PALM2AKAP2: variants seen among roughly 807,000 people sequenced by gnomAD.
PALM2AKAP2 encodes PALM2 and AKAP2 fusion, also known as PALM2-AKAP2 fusion protein.
A neutral mutation model predicts 71.5 loss-of-function variants in PALM2AKAP2; 37 were observed. The ratio of observed to expected loss-of-function variants is 0.52; its 90% CI spans 0.40 to 0.68. The LOEUF (loss-of-function observed/expected upper bound fraction) is 0.68. Among genes scored for constraint, PALM2AKAP2 ranks in the 30% least tolerant of loss-of-function variants. PALM2AKAP2 has a pLI of 0.00. For missense variants in PALM2AKAP2, 1,224 were observed against 1,191.8 expected, an observed-to-expected ratio of 1.03 and a Z score of -0.40; for synonymous variants, 468 against 478.8, an observed-to-expected ratio of 0.98 and a Z score of 0.29.
intron 2 of PALM2AKAP2, among the ~76,000 whole-genome samples, chr9:110,146,878 G>A (rs536038245): frequency 6.6e-6 from 1 of 152,240 alleles, no homozygotes; most frequent in Admixed American, 6.5e-5. Flanking sequence ...TGGCCTTGAA[G>A]GTAAACTTAA....
chr9:109,703,228 C>T (rs1028560831), intron 1 of PALM2AKAP2, among the ~76,000 whole-genome samples: 2 of 152,088 alleles, frequency 1.3e-5, no homozygotes, highest in Non-Finnish European at 2.9e-5. Flanking sequence ...ATATTCAGGT[C>T]AGTATTCCCA....
At chr9:110,106,521 A>G (rs2118907329) in intron 1 of PALM2AKAP2, among the ~76,000 whole-genome samples, 1 of 152,268 alleles carries the variant, frequency 6.6e-6, no homozygotes, top group South Asian at 2.1e-4. Context: ...GAGGGAAGAG[A>G]GGACTCCCTT....
intron 2 of PALM2AKAP2, among the ~76,000 whole-genome samples, chr9:109,875,406 T>A (rs539536467): frequency 2.1e-4 from 32 of 152,256 alleles, no homozygotes; most frequent in Non-Finnish European, 3.8e-4. Flanking sequence ...TGAGTGAGAG[T>A]AGGGACTTGC....
chr9:109,783,494 T>C (rs1192304552), intron 1 of PALM2AKAP2, among the ~76,000 whole-genome samples: 5 of 152,092 alleles, frequency 3.3e-5, no homozygotes, highest in African/African-American at 1.2e-4. Context: ...AGATGGGGTT[T>C]CGCCATGTTG....
intron 1 of PALM2AKAP2, among the ~76,000 whole-genome samples, chr9:109,851,961 C>T (rs533408386): frequency 6.6e-6 from 1 of 151,948 alleles, no homozygotes; most frequent in Non-Finnish European, 1.5e-5. Flanking sequence ...GAACTAGCCA[C>T]GAGAAAGCAA....
intron 1 of PALM2AKAP2, among the ~76,000 whole-genome samples, chr9:109,655,278 G>A (rs542499549): frequency 1.1e-4 from 16 of 141,288 alleles, no homozygotes; most frequent in Non-Finnish European, 2.3e-4. Flanking sequence ...CAGGCTGGGC[G>A]ACAGAGCGAG....
intron 7 of PALM2AKAP2, among the ~76,000 whole-genome samples, chr9:110,035,790 A>G (rs1355772755): frequency 6.9e-6 from 1 of 143,938 alleles, no homozygotes; most frequent in Non-Finnish European, 1.5e-5. Flanking sequence ...CATATATAGG[A>G]TATGTTGTGT....
At chr9:109,814,839 G>A (rs1481405323) in intron 1 of PALM2AKAP2, among the ~76,000 whole-genome samples, 2 of 152,332 alleles carry the variant, frequency 1.3e-5, no homozygotes, top group East Asian at 3.9e-4. Context: ...TGGTGAGAAT[G>A]GTGAGAAAGA....
intron 1 of PALM2AKAP2, among the ~76,000 whole-genome samples, chr9:109,719,891 A>C (rs1828380205): frequency 6.6e-6 from 1 of 152,218 alleles, no homozygotes; most frequent in South Asian, 2.1e-4. Context: ...AACAGTCAGG[A>C]AGCTCTTGAC....
intron 3 of PALM2AKAP2, among the ~76,000 whole-genome samples, chr9:109,898,349 T>C (rs993111010): frequency 6.6e-6 from 1 of 152,248 alleles, no homozygotes. Context: ...TGAATTTTCT[T>C]TCCAGACTGT....
intron 7 of PALM2AKAP2, among the ~76,000 whole-genome samples, chr9:110,026,329 C>T (rs1833182080): frequency 6.6e-6 from 1 of 152,192 alleles, no homozygotes; most frequent in African/African-American, 2.4e-5. Flanking sequence ...ATCCTCGTTC[C>T]TCAGCCTCCC....
chr9:110,159,729 C>T (rs10816928), intron 3 of PALM2AKAP2, among the ~76,000 whole-genome samples: 17,029 of 152,146 alleles, frequency 0.11, 1,606 homozygotes, highest in East Asian at 0.45. Flanking sequence ...AGTTCAGTGT[C>T]CCCCGAGCCC....
At chr9:109,701,137 A>G (rs1224834356) in intron 1 of PALM2AKAP2, among the ~76,000 whole-genome samples, 1 of 152,222 alleles carries the variant, frequency 6.6e-6, no homozygotes, top group East Asian at 1.9e-4. Context: ...TCTACAAGAT[A>G]CCACGGTTAG....
Position 109,967,535 on chromosome 9 carries a change from G to A in PALM2AKAP2, c.496+35507G>A, listed in dbSNP as rs143027537. On this transcript the variant is annotated intron_variant, in intron 6 of 9. Coordinates refer to the PALM2AKAP2 transcript ENST00000302798. Reference sequence around the variant, plus strand: ...AGTGATTCTTGTGCCTCAGACTCCCGAGTAGCTGTGACTACAGGCAGGCGC... The same window carrying A: ...AGTGATTCTTGTGCCTCAGACTCCCAAGTAGCTGTGACTACAGGCAGGCGC... Among the ~76,000 whole-genome samples, 839 of 151,668 alleles carry A rather than the reference G, an allele frequency of 5.5e-3. 11 individuals are homozygous for A. The highest frequency in any genetic ancestry group is 0.019 in the African/African-American group (797 of 41,362).
At chr9:109,720,684 A>G (rs1828392259) in intron 1 of PALM2AKAP2, among the ~76,000 whole-genome samples, 1 of 152,244 alleles carries the variant, frequency 6.6e-6, no homozygotes, top group Non-Finnish European at 1.5e-5. Context: ...AAGTCATTTC[A>G]TATGTGAAAA....
rs143595960 is a variant in PALM2AKAP2, at chr9:109,797,590, C to T, written c.45+17057C>T. Among the ~76,000 whole-genome samples the T allele has an allele frequency of 7.7e-4, 118 of 152,338 alleles. 2 individuals carry two copies. Among genetic ancestry groups the T allele is most frequent in the African/African-American group, 2.7e-3 (112 of 41,582 alleles). ...TGGGACCTTTACCAGCAATCACCCA[C>T]CACATGCACCAGCTTCAAGCAGCTC... On this transcript the variant is annotated intron_variant, in intron 1 of 9. Coordinates refer to the PALM2AKAP2 transcript ENST00000302798.
At chr9:109,783,675 C>G (rs1230929083) in intron 1 of PALM2AKAP2, among the ~76,000 whole-genome samples, 1 of 152,172 alleles carries the variant, frequency 6.6e-6, no homozygotes, top group African/African-American at 2.4e-5. Context: ...TCTCTAACTG[C>G]TTTAGACAGA....
chr9:110,079,474 C>T (rs1346051187), intron 1 of PALM2AKAP2, among the ~76,000 whole-genome samples: 5 of 151,822 alleles, frequency 3.3e-5, no homozygotes, highest in African/African-American at 7.3e-5. Flanking sequence ...CCAGCCTGGG[C>T]GACAGAGTGA....
At chr9:110,006,983 G>T (rs938678820) in intron 6 of PALM2AKAP2, among the ~76,000 whole-genome samples, 1 of 152,166 alleles carries the variant, frequency 6.6e-6, no homozygotes, top group Non-Finnish European at 1.5e-5. Context: ...ATTGGTTTAG[G>T]AGTAGGTTTA....
Sources: allele counts gnomAD v4.1 joint callset (sites outside exome capture counted in the v4.1 genomes callset), GRCh38; gene constraint gnomAD v4.1.1; transcripts MANE v1.5; gene names NCBI Gene and HGNC (gene_info 2026-07-23, HGNC 2026-07-21).